Variants in SLC6A11 observed in about 807,000 individuals in gnomAD.
The protein encoded by SLC6A11 is solute carrier family 6 member 11.
In SLC6A11, 25 loss-of-function variants were observed where a neutral mutation model predicts 74.8. The ratio of observed to expected loss-of-function variants is 0.33; its 90% CI spans 0.24 to 0.47. SLC6A11 has a LOEUF of 0.47. SLC6A11 is among the 20% of genes least tolerant of loss of function. The pLI is 1.00. For missense variants in SLC6A11, 574 were observed against 837.0 expected (o/e 0.69, Z 3.88); for synonymous variants, 330 against 330.2 (o/e 1.00, Z 0.01).
intron 4 of SLC6A11, among the ~76,000 whole-genome samples, chr3:10,827,955 G>T (rs1213133570): frequency 6.6e-6 from 1 of 152,172 alleles, no homozygotes; most frequent in Non-Finnish European, 1.5e-5. Context: ...TCTTATGGGG[G>T]TCCTACAGGG....
chr3:10,820,987 G>A (rs1694131611), intron 3 of SLC6A11, among the ~76,000 whole-genome samples: 1 of 152,212 alleles, frequency 6.6e-6, no homozygotes, highest in South Asian at 2.1e-4. Flanking sequence ...CCTAGGAGAT[G>A]CTGCAGTCTG....
intron 1 of SLC6A11, 112 bp from the exon 2 acceptor site, chr3:10,819,353 C>G (rs901075990): frequency 1.2e-5 from 13 of 1,125,178 alleles, no homozygotes; most frequent in Admixed American, 2.5e-5. Context: ...AACTTGAACT[C>G]AAGTTCAAAG....
chr3:10,897,140 T>C (rs1382635302), intron 6 of SLC6A11, among the ~76,000 whole-genome samples: 3 of 152,150 alleles, frequency 2.0e-5, no homozygotes, highest in Admixed American at 2.0e-4. Flanking sequence ...CATGATTCAA[T>C]TACCTCCCAC....
chr3:10,857,978 T>C (rs771078256), intron 5 of SLC6A11, among the ~76,000 whole-genome samples: 1 of 152,256 alleles, frequency 6.6e-6, no homozygotes, highest in African/African-American at 2.4e-5. Flanking sequence ...GAAATACATA[T>C]GGATGTGAGA....
chr3:10,844,814 C>T (rs543136366), intron 5 of SLC6A11, among the ~76,000 whole-genome samples: 1 of 152,306 alleles, frequency 6.6e-6, no homozygotes, highest in African/African-American at 2.4e-5. Flanking sequence ...CTTCATCTTG[C>T]AGCCTTGCTG....
intron 4 of SLC6A11, among the ~76,000 whole-genome samples, chr3:10,834,760 G>C (rs1201250451): frequency 6.6e-6 from 1 of 152,176 alleles, no homozygotes; most frequent in Non-Finnish European, 1.5e-5. Context: ...CCCTGAGCAG[G>C]TAATGCCGAA....
At chr3:10,910,329 C>T (rs1193696655) in intron 6 of SLC6A11, among the ~76,000 whole-genome samples, 1 of 152,100 alleles carries the variant, frequency 6.6e-6, no homozygotes, top group East Asian at 1.9e-4. Flanking sequence ...AGATACTTTG[C>T]CTGGAAAGGA....
At chr3:10,823,272 C>T (rs749548777) in intron 3 of SLC6A11, 30 bp from the exon 4 acceptor site, 10 of 1,507,838 alleles carry the variant, frequency 6.6e-6, no homozygotes, top group Non-Finnish European at 9.2e-6. Context: ...GATTAATTTT[C>T]TTCTATTTCT....
At chr3:10,867,130 A>G (rs1006087578) in intron 5 of SLC6A11, among the ~76,000 whole-genome samples, 1 of 152,162 alleles carries the variant, frequency 6.6e-6, no homozygotes, top group African/African-American at 2.4e-5. Context: ...CTGGAAGGGG[A>G]TGCAGGGGAG....
At chr3:10,817,383 G>A (rs1046742951) in intron 1 of SLC6A11, among the ~76,000 whole-genome samples, 43 of 152,158 alleles carry the variant, frequency 2.8e-4, no homozygotes, top group Non-Finnish European at 5.4e-4. Flanking sequence ...AGTCAGTTTG[G>A]CAAAAGATGC....
chr3:10,852,489 A>G (rs1288109723), intron 5 of SLC6A11, among the ~76,000 whole-genome samples: 7 of 152,172 alleles, frequency 4.6e-5, no homozygotes, highest in Non-Finnish European at 1.0e-4. Flanking sequence ...GAAAGGAGGG[A>G]AGTTTTGCGA....
chr3:10,850,762 G>C (rs536139514), intron 5 of SLC6A11, among the ~76,000 whole-genome samples: 2 of 152,290 alleles, frequency 1.3e-5, no homozygotes, highest in African/African-American at 4.8e-5. Flanking sequence ...AACCACTACA[G>C]GTTTTCCAGC....
At chr3:10,896,286 C>T (rs1695170656) in intron 6 of SLC6A11, among the ~76,000 whole-genome samples, 2 of 152,344 alleles carry the variant, frequency 1.3e-5, no homozygotes, top group South Asian at 4.1e-4. Context: ...CCTAGTCAGC[C>T]CCACACACCC....
At chr3:10,850,200 G>A (rs993419106) in intron 5 of SLC6A11, among the ~76,000 whole-genome samples, 1 of 152,142 alleles carries the variant, frequency 6.6e-6, no homozygotes, top group African/African-American at 2.4e-5. Flanking sequence ...CAAAGTATGA[G>A]CTATTTCAAA....
chr3:10,837,612 G>T (rs139636468), intron 4 of SLC6A11, among the ~76,000 whole-genome samples: 12 of 152,338 alleles, frequency 7.9e-5, no homozygotes, highest in African/African-American at 2.6e-4. Context: ...TTTACATGTG[G>T]CGTGGTGAGC....
rs141315942 is a variant in SLC6A11 at position 10,938,296 on chromosome 3, G to A, written c.1793G>A (p.Gly598Asp). 6 of 1,612,016 alleles carry A rather than the reference G, an allele frequency of 3.7e-6. No individual in the cohort carries two copies. The African/African-American group carries it at 5.3e-5, about 14-fold the overall frequency. The change falls in exon 14 of 14, where the codon GGC (glycine) becomes GAC (aspartate). Residue 598 changes from glycine (G) to aspartate (D), a missense_variant. Coordinates refer to ENST00000254488, the MANE Select transcript of SLC6A11 (RefSeq NM_014229.3). ...CCCAGCACAGATCTGAAAATGCGGG[G>A]CAAGCTTGGGGTGAGCCCACGGATG... The part of the protein sequence containing the change: ...TTPSTDLKMR[G>D]KLGVSPRMVT...
At chr3:10,923,155 T>A (rs1456431148) in intron 8 of SLC6A11, among the ~76,000 whole-genome samples, 2 of 151,972 alleles carry the variant, frequency 1.3e-5, no homozygotes, top group Admixed American at 6.6e-5. Context: ...ATATTTCCTA[T>A]CTTTGTGTGC....
At chr3:10,934,025 C>T (rs1695724795) in intron 11 of SLC6A11, 41 bp from the exon 12 acceptor site, 1 of 1,412,648 alleles carries the variant, frequency 7.1e-7, no homozygotes, top group Non-Finnish European at 1.0e-6. Context: ...TACAAAACTT[C>T]TCTGGGGTGT....
intron 6 of SLC6A11, among the ~76,000 whole-genome samples, chr3:10,901,511 G>A (rs946586734): frequency 1.5e-4 from 23 of 152,382 alleles, no homozygotes; most frequent in African/African-American, 5.0e-4. Context: ...CGGCTGCCCA[G>A]GGAAGGGTTT....
Sources: allele counts gnomAD v4.1 joint callset (sites outside exome capture counted in the v4.1 genomes callset), GRCh38; gene constraint gnomAD v4.1.1; transcripts MANE v1.5; gene names NCBI Gene and HGNC (gene_info 2026-07-23, HGNC 2026-07-21).